Variants in CSE1L observed in about 807,000 individuals in gnomAD.
The protein encoded by CSE1L is chromosome segregation 1 like.
A neutral mutation model predicts 120.4 loss-of-function variants in CSE1L; 24 were observed. The ratio of observed to expected loss-of-function variants is 0.20; its 90% CI spans 0.14 to 0.28. The LOEUF (loss-of-function observed/expected upper bound fraction) is 0.28, where lower values mean the gene tolerates loss of function less well. Among genes scored for constraint, CSE1L ranks in the 10% least tolerant of loss-of-function variants. The pLI, the probability that CSE1L is intolerant of heterozygous loss-of-function variation, is 1.00. For missense variants in CSE1L, 830 were observed against 1,145.2 expected (o/e 0.72, Z 3.97); for synonymous variants, 402 against 398.3 (o/e 1.01, Z -0.11).
At chr20:49,085,748 T>G (rs1353034159) in intron 16 of CSE1L, among the ~76,000 whole-genome samples, 1 of 151,412 alleles carries the variant, frequency 6.6e-6, no homozygotes, top group African/African-American at 2.4e-5. Context: ...ATTTTTGTAT[T>G]TTTAGTAGAG....
chr20:49,049,457 A>G (rs922580722), intron 1 of CSE1L, among the ~76,000 whole-genome samples: 5 of 152,134 alleles, frequency 3.3e-5, no homozygotes, highest in East Asian at 3.9e-4. Context: ...CTGGGATTAC[A>G]GGCATGAGCC....
chr20:49,079,923 T>A (rs2091998104), intron 14 of CSE1L, among the ~76,000 whole-genome samples: 1 of 152,054 alleles, frequency 6.6e-6, no homozygotes, highest in African/African-American at 2.4e-5. Context: ...CTACTAAAAA[T>A]ACTAGCTGGG....
At chr20:49,046,904 C>T (rs1347338612) in intron 1 of CSE1L, among the ~76,000 whole-genome samples, 2 of 152,362 alleles carry the variant, frequency 1.3e-5, no homozygotes, top group South Asian at 2.1e-4. Flanking sequence ...CTGCGGCTGC[C>T]TCGCGTCGTC....
chr20:49,079,804 G>C (rs1288437193), intron 14 of CSE1L, among the ~76,000 whole-genome samples: 3 of 152,206 alleles, frequency 2.0e-5, no homozygotes, highest in East Asian at 3.9e-4. Flanking sequence ...ATCCAGCCAG[G>C]CATGGTGGCT....
chr20:49,062,963 T>G (rs77441408), intron 2 of CSE1L, among the ~76,000 whole-genome samples: 2,322 of 152,062 alleles, frequency 0.015, 68 homozygotes, highest in South Asian at 0.085. Flanking sequence ...GGCCACTGTA[T>G]AGGTTTGTGA....
At chr20:49,062,389 G>A (rs1172532532) in intron 2 of CSE1L, among the ~76,000 whole-genome samples, 1 of 152,148 alleles carries the variant, frequency 6.6e-6, no homozygotes, top group Non-Finnish European at 1.5e-5. Context: ...GTTGCCCTAT[G>A]AAGCCAAAGG....
chr20:49,082,560 A>T (rs185957282), intron 14 of CSE1L, among the ~76,000 whole-genome samples: 137 of 151,942 alleles, frequency 9.0e-4, no homozygotes, highest in Non-Finnish European at 1.7e-3. Context: ...GTGCAGTAAC[A>T]CAATCAAGTC....
intron 14 of CSE1L, among the ~76,000 whole-genome samples, chr20:49,081,035 G>C (rs1324989566): frequency 1.3e-5 from 2 of 150,968 alleles, no homozygotes. Flanking sequence ...CCAGGCTGGA[G>C]TACAGTGGTG....
At chr20:49,051,680 G>C (rs963733824) in intron 1 of CSE1L, among the ~76,000 whole-genome samples, 1 of 152,232 alleles carries the variant, frequency 6.6e-6, no homozygotes, top group Non-Finnish European at 1.5e-5. Context: ...TGGCATGTTT[G>C]AACAGGTAAT....
At position 49,068,371 on chromosome 20, in the gene CSE1L, G is replaced by A. The variant is rs370069607; in HGVS notation, c.568-344G>A. 9.9e-5 allele frequency among the ~76,000 whole-genome samples: 15 copies of A among 152,184 alleles called. No homozygotes were observed. The East Asian group carries it at 1.2e-3, about 12-fold the overall frequency. ...TGAGAGGCCGAGGCGGGCGGATCAC[G>A]AGGTCAGGAGATCGAGACCACCATG... On this transcript the variant is annotated intron_variant, in intron 6 of 24. Coordinates refer to ENST00000262982, the MANE Select transcript of CSE1L (RefSeq NM_001316.4).
intron 1 of CSE1L, among the ~76,000 whole-genome samples, chr20:49,054,465 A>G (rs2091791262): frequency 6.6e-6 from 1 of 152,150 alleles, no homozygotes; most frequent in Admixed American, 6.5e-5. Context: ...TTTCCACCTA[A>G]GAGGCAGCCT....
intron 17 of CSE1L, among the ~76,000 whole-genome samples, chr20:49,088,798 T>G (rs949565453): frequency 1.3e-5 from 2 of 152,192 alleles, no homozygotes; most frequent in Non-Finnish European, 2.9e-5. Flanking sequence ...CCATCTCATG[T>G]TCTGATTGAG....
chr20:49,070,039 A>G (rs2091920679), intron 7 of CSE1L, among the ~76,000 whole-genome samples, 166 bp from the exon 8 acceptor site: 1 of 152,256 alleles, frequency 6.6e-6, no homozygotes, highest in South Asian at 2.1e-4. Flanking sequence ...AGAATGCTTT[A>G]TGCAGCTGCC....
rs984113756 is a variant in CSE1L, at chr20:49,096,590, C to T, written c.*152C>T. On this transcript the variant is annotated 3_prime_UTR_variant, in exon 25 of 25. Coordinates refer to ENST00000262982, the MANE Select transcript of CSE1L (RefSeq NM_001316.4). Reference sequence around the variant, plus strand: ...TATTAAATGTTGCTTTAACCTGAACCTTGAGCAAATTAGTTGGTTTGTGTG... The same window carrying T: ...TATTAAATGTTGCTTTAACCTGAACTTTGAGCAAATTAGTTGGTTTGTGTG... The T allele has an allele frequency of 6.1e-6, 4 of 651,674 alleles. No individual in the cohort carries two copies. In the Admixed American group the frequency reaches 1.1e-4, roughly 18 times the overall value. 40.4% of individuals were successfully genotyped at this position (651,674 alleles called of 1,614,324 possible).
chr20:49,088,445 T>G (rs1283355839), intron 17 of CSE1L, among the ~76,000 whole-genome samples: 1 of 152,268 alleles, frequency 6.6e-6, no homozygotes, highest in Admixed American at 6.5e-5. Flanking sequence ...CTGTCTGGAC[T>G]TCTATGAAAT....
Position 49,094,876 on chromosome 20 carries a change from G to T in CSE1L, c.2739G>T (p.Glu913Asp), listed in dbSNP as rs2092127388. ...FSQLAFAGKK[E>D]HDPVGQMVNN... ...AGTTGGCATTTGCTGGGAAAAAAGA[G>T]CATGATCCTGTAGGTCAAATGGTGA... The change falls in exon 24 of 25, where the codon GAG (glutamate) becomes GAT (aspartate). Residue 913 changes from glutamate (E) to aspartate (D), a missense_variant. This residue lies in a region of CSE1L where 112 missense variants were observed against 200.0 expected (regional missense o/e 0.56). Transcript: ENST00000262982. The T allele has an allele frequency of 6.2e-7, 1 of 1,614,162 alleles. No homozygotes were observed. The highest frequency in any genetic ancestry group is 8.5e-7 in the Non-Finnish European group (1 of 1,180,032).
In CSE1L at chr20:49,072,626, A is replaced by G. The variant is rs1439204981; in HGVS notation, c.995A>G (p.Asn332Ser). 2 of 1,613,730 alleles carry G rather than the reference A, an allele frequency of 1.2e-6. No homozygotes were observed. The highest frequency in any genetic ancestry group is 8.5e-7 in the Non-Finnish European group (1 of 1,179,886). Reference sequence around the variant, plus strand: ...GTTTGTGAGAGACCTCATTATAAGAATCTATTTGAGGACCAGAACACGCTG... The same window carrying G: ...GTTTGTGAGAGACCTCATTATAAGAGTCTATTTGAGGACCAGAACACGCTG... ...ASVCERPHYK[N>S]LFEDQNTLTS... Residue 332 changes from asparagine (N) to serine (S), a missense_variant, in exon 10 of 25, where the codon AAT becomes AGT. By Grantham distance (46) the Asn-to-Ser change is conservative. This residue lies in a region of CSE1L where 543 missense variants were observed against 640.2 expected (regional missense o/e 0.85). Transcript: ENST00000262982.
At chr20:49,057,724 C>T (rs1035662801) in intron 1 of CSE1L, among the ~76,000 whole-genome samples, 2 of 152,050 alleles carry the variant, frequency 1.3e-5, no homozygotes, top group African/African-American at 2.4e-5. Context: ...CTTTGCCTCC[C>T]GGGTTCAAGC....
At position 49,088,005 on chromosome 20, in the gene CSE1L, A is replaced by G. The variant is rs1301398618; in HGVS notation, c.1724-4A>G. ...TTTGTTTTTGCTGTTTTTGTATTTTACAGCTATCATGAGAAGTTTTTCTCT... is the reference window on the plus strand; with the variant it reads ...TTTGTTTTTGCTGTTTTTGTATTTTGCAGCTATCATGAGAAGTTTTTCTCT... On this transcript the variant is annotated splice_polypyrimidine_tract_variant and splice_region_variant and intron_variant, in intron 16 of 24. Transcript: ENST00000262982. 1 of 1,562,798 alleles carries G rather than the reference A, an allele frequency of 6.4e-7. No individual in the cohort carries two copies. The highest frequency in any genetic ancestry group is 8.7e-7 in the Non-Finnish European group (1 of 1,147,452).
Sources: gnomAD v4.1 joint callset for allele counts (sites outside exome capture counted in the v4.1 genomes callset) on GRCh38, gnomAD v4.1.1 for gene constraint, gnomAD v4.1.1 regional missense constraint, MANE v1.5 for transcripts, NCBI Gene and HGNC (gene_info 2026-07-23, HGNC 2026-07-21) for gene names.